Variants in PHF24 observed in about 807,000 individuals in gnomAD.
The protein encoded by PHF24 is PHD finger protein 24, also known as Galpha inhibitory interacting protein.
A neutral mutation model predicts 42.6 loss-of-function variants in PHF24; 25 were observed. The observed-to-expected ratio is 0.59, with a 90% CI of 0.43 to 0.82. The LOEUF (loss-of-function observed/expected upper bound fraction) is 0.82. PHF24 is among the 40% of genes least tolerant of loss of function. The pLI is 0.00. For synonymous variants in PHF24, 185 were observed against 204.8 expected (o/e 0.90, Z 0.83); for missense variants, 470 against 538.1 (o/e 0.87, Z 1.25).
the PHF24 span, among the ~76,000 whole-genome samples, chr9:34,738,913 G>A: frequency 6.6e-6 from 1 of 152,152 alleles, no homozygotes; most frequent in African/African-American, 2.4e-5. Flanking sequence ...TGAGGATGAT[G>A]GAGAAGAACA....
the PHF24 span, chr9:34,726,482 T>G: frequency 2.6e-6 from 4 of 1,551,618 alleles, no homozygotes; most frequent in South Asian, 4.8e-5. Context: ...GGAATTCAAG[T>G]GATGCTGGCC....
the PHF24 span, among the ~76,000 whole-genome samples, chr9:34,805,892 G>A: frequency 6.6e-6 from 1 of 152,074 alleles, no homozygotes; most frequent in Non-Finnish European, 1.5e-5. Context: ...GTGAGGTAAG[G>A]GTCCAAATTC....
chr9:34,752,984 C>T, the PHF24 span, among the ~76,000 whole-genome samples: 2 of 152,088 alleles, frequency 1.3e-5, no homozygotes, highest in African/African-American at 2.4e-5. Flanking sequence ...TTTAACATCC[C>T]TTCATGATAA....
chr9:34,905,329 G>T, the PHF24 span, among the ~76,000 whole-genome samples: 1 of 152,092 alleles, frequency 6.6e-6, no homozygotes, highest in Non-Finnish European at 1.5e-5. Context: ...CATCTAAGCC[G>T]CCTTCCTCTC....
chr9:34,709,807 G>C, the PHF24 span: 40 of 1,614,074 alleles, frequency 2.5e-5, no homozygotes, highest in Non-Finnish European at 3.3e-5. Context: ...GCCTAAGCTT[G>C]GTTCCTGCTT....
the PHF24 span, among the ~76,000 whole-genome samples, chr9:34,688,305 G>T: frequency 6.6e-6 from 1 of 152,192 alleles, no homozygotes; most frequent in Admixed American, 6.5e-5. Flanking sequence ...ACTCCCAGCT[G>T]GAGAGGCCCT....
chr9:34,698,372 A>G, the PHF24 span, among the ~76,000 whole-genome samples: 1 of 152,148 alleles, frequency 6.6e-6, no homozygotes, highest in East Asian at 1.9e-4. Context: ...AACGTTCCAG[A>G]GCATTTTGGG....
the PHF24 span, chr9:34,726,470 T>C: frequency 1.9e-6 from 3 of 1,551,572 alleles, no homozygotes; most frequent in Non-Finnish European, 2.6e-6. Context: ...CAAGGAGACC[T>C]GGGAATTCAA....
At chr9:34,807,144 T>C in the PHF24 span, among the ~76,000 whole-genome samples, 1 of 152,206 alleles carries the variant, frequency 6.6e-6, no homozygotes. Context: ...CAGCATTCAG[T>C]CTTTTACCAT....
the PHF24 span, among the ~76,000 whole-genome samples, chr9:34,787,728 A>G: frequency 6.6e-6 from 1 of 152,176 alleles, no homozygotes; most frequent in Admixed American, 6.5e-5. Flanking sequence ...GGGATGCAAT[A>G]GGGGTTGAGA....
the PHF24 span, among the ~76,000 whole-genome samples, chr9:34,846,675 A>C: frequency 6.6e-6 from 1 of 152,192 alleles, no homozygotes; most frequent in Non-Finnish European, 1.5e-5. Context: ...GTCCTTGCCC[A>C]TGCCTATGTC....
At chr9:34,849,730 T>C in the PHF24 span, among the ~76,000 whole-genome samples, 2 of 152,248 alleles carry the variant, frequency 1.3e-5, no homozygotes, top group African/African-American at 4.8e-5. Context: ...GATTTTGCAG[T>C]GGCTGGTTCC....
chr9:34,914,621 C>T, the PHF24 span, among the ~76,000 whole-genome samples: 7 of 152,268 alleles, frequency 4.6e-5, no homozygotes, highest in South Asian at 4.1e-4. Flanking sequence ...AATCTCATGT[C>T]GGTTCTGCTT....
the PHF24 span, among the ~76,000 whole-genome samples, chr9:34,682,250 G>A: frequency 6.6e-6 from 1 of 151,350 alleles, no homozygotes; most frequent in Admixed American, 6.6e-5. Flanking sequence ...AAAGTGCAGG[G>A]ATTACAGTCA....
At chr9:34,981,094 TC>T (rs963665327) in exon 8 of PHF24, 3 of 152,248 alleles carry the variant, frequency 2.0e-5, no homozygotes, top group Admixed American at 2.0e-4. Flanking sequence ...GATGGAGCAG[TC>T]CCCTCACTCT....
At chr9:34,767,115 G>C in the PHF24 span, among the ~76,000 whole-genome samples, 1 of 152,194 alleles carries the variant, frequency 6.6e-6, no homozygotes, top group East Asian at 1.9e-4. Context: ...GCCCCTACTG[G>C]GGGGTGTCTC....
the PHF24 span, among the ~76,000 whole-genome samples, chr9:34,909,649 T>C: frequency 1.4e-5 from 2 of 147,690 alleles, no homozygotes; most frequent in Admixed American, 1.4e-4. Context: ...TGAGACGGAG[T>C]CTCGCTCTGT....
chr9:34,927,386 GCT>G, the PHF24 span, among the ~76,000 whole-genome samples: 42 of 152,078 alleles, frequency 2.8e-4, no homozygotes, highest in Non-Finnish European at 5.3e-4. Context: ...TTCAGAGTTT[GCT>G]CTTTTCTCAA....
the PHF24 span, among the ~76,000 whole-genome samples, chr9:34,809,988 G>A: frequency 6.6e-6 from 1 of 150,668 alleles, no homozygotes; most frequent in African/African-American, 2.4e-5. This position sits in a 1 kb window ranked among gnomAD's most constrained non-coding sequence, Gnocchi z 4.1. Context: ...AAAGCCTCGC[G>A]TGGGCGCACG....
Sources: allele counts gnomAD v4.1 joint callset (sites outside exome capture counted in the v4.1 genomes callset), GRCh38; gene constraint gnomAD v4.1.1; non-coding constraint Gnocchi (gnomAD v3.1); transcripts MANE v1.5; gene names NCBI Gene and HGNC (gene_info 2026-07-23, HGNC 2026-07-21).